SVEP1: variants seen among roughly 807,000 people sequenced by gnomAD.
The protein encoded by SVEP1 is sushi, von Willebrand factor type A, EGF and pentraxin domain containing 1, also known as sushi, von Willebrand factor type A, EGF and pentraxin domain-containing protein 1.
Under a neutral mutation model 367.3 loss-of-function variants are expected in SVEP1, and 164 were observed. The ratio of observed to expected loss-of-function variants is 0.45; its 90% CI spans 0.39 to 0.51. The LOEUF (loss-of-function observed/expected upper bound fraction) is 0.51. SVEP1 is among the 20% of genes least tolerant of loss of function. SVEP1 has a pLI of 0.00. For missense variants in SVEP1, 4,117 were observed against 4,425.3 expected (o/e 0.93, Z 1.98); for synonymous variants, 1,666 against 1,611.6 (o/e 1.03, Z -0.81).
In SVEP1 at chr9:110,457,295, C is replaced by T. The variant is rs2118631058; in HGVS notation, c.3634G>A (p.Gly1212Arg). The T allele has an allele frequency of 1.2e-6, 2 of 1,612,756 alleles. No individual in the cohort carries two copies. Among genetic ancestry groups the T allele is most frequent in the South Asian group, 2.2e-5 (2 of 90,766 alleles). Residue 1212 changes from glycine (G) to arginine (R), a missense_variant, in exon 21 of 48, where the codon GGG becomes AGG. Gly to Arg is a moderately radical substitution (Grantham distance 125). Coordinates refer to ENST00000374469, the MANE Select transcript of SVEP1 (RefSeq NM_153366.4). Reference protein sequence around the residue: ...CHNSGTCQQLGRGYVCLCPLG... With the variant: ...CHNSGTCQQLRRGYVCLCPLG... ...GGACAGAGACAAACATAACCACGCC[C>T]AAGTTGCTGGCAGGTTCCACTATTG... is the stretch of plus-strand genomic sequence containing the variant.
In SVEP1 at chr9:110,579,008, CT is replaced by C; in HGVS notation, c.531+4del. 2 of 1,544,452 alleles carry C rather than the reference CT, an allele frequency of 1.3e-6. No individual in the cohort carries two copies. The highest frequency in any genetic ancestry group is 1.7e-6 in the Non-Finnish European group (2 of 1,146,246). On this transcript the variant is annotated splice_donor_region_variant and intron_variant, in intron 1 of 47. Transcript: ENST00000374469. The surrounding 1 kb of genome is among the most constrained non-coding windows in gnomAD (Gnocchi z 5.3). ...GGCCCGGGTCGGGAGGGGCGGGCGC[CT>C]TACCGCGGCTTGCTGGAAGGCGCCC...
At chr9:110,529,404 A>C in intron 3 of SVEP1, among the ~76,000 whole-genome samples, 1 of 152,046 alleles carries the variant, frequency 6.6e-6, no homozygotes, top group Non-Finnish European at 1.5e-5. Flanking sequence ...GAAAAATGAC[A>C]TTGTTATTTT....
chr9:110,449,996 T>A, intron 24 of SVEP1, 63 bp downstream of exon 24: 1 of 1,566,970 alleles, frequency 6.4e-7, no homozygotes, highest in Non-Finnish European at 8.7e-7. Flanking sequence ...CCATAAAGGC[T>A]GCAGAATCAC....
rs541966497 is a variant in SVEP1 at position 110,492,119 on chromosome 9, G to A, written c.1801-2340C>T. 7.9e-5 allele frequency among the ~76,000 whole-genome samples: 12 copies of A among 152,190 alleles called. No homozygotes were observed. In the South Asian group the frequency reaches 2.5e-3, roughly 31 times the overall value. On this transcript the variant is annotated intron_variant, in intron 8 of 47. Transcript: ENST00000374469. ...CAAAGGCTTAATAAATATACCACCT[G>A]TATATACTTTTTCTGAAAGAATGGA...
At chr9:110,574,990 C>G (rs949219006) in intron 1 of SVEP1, among the ~76,000 whole-genome samples, 7 of 152,038 alleles carry the variant, frequency 4.6e-5, no homozygotes, top group African/African-American at 1.4e-4. Context: ...CGTGATCCAC[C>G]CGCCTTGGCC....
Position 110,417,198 on chromosome 9 carries a change from G to T in SVEP1, c.5976-5463C>A, listed in dbSNP as rs1034703040. On this transcript the variant is annotated intron_variant, in intron 36 of 47. Coordinates refer to ENST00000374469, the MANE Select transcript of SVEP1 (RefSeq NM_153366.4). Reference sequence around the variant, plus strand: ...ACGGGTGATTTCTGCATTTCCATCTGAGGTACCGGGTTCATCTCACTAGGG... The same window carrying T: ...ACGGGTGATTTCTGCATTTCCATCTTAGGTACCGGGTTCATCTCACTAGGG... Among the ~76,000 whole-genome samples, 127 of 149,770 alleles carry T rather than the reference G, an allele frequency of 8.5e-4. 1 individual carries two copies. The highest frequency in any genetic ancestry group is 3.0e-3 in the African/African-American group (121 of 40,350).
intron 1 of SVEP1, among the ~76,000 whole-genome samples, chr9:110,570,415 A>T (rs1007554643): frequency 2.0e-5 from 3 of 151,744 alleles, no homozygotes. Flanking sequence ...TGAATTTCAT[A>T]TTATTTAGAA....
chr9:110,427,527 C>T (rs1175765293), intron 36 of SVEP1, 64 bp downstream of exon 36: 1 of 1,546,044 alleles, frequency 6.5e-7, no homozygotes, highest in Non-Finnish European at 8.7e-7. Flanking sequence ...GAGCCCATCT[C>T]TGCAGTCAGG....
At chr9:110,373,797 G>C (rs1277907700) in intron 46 of SVEP1, among the ~76,000 whole-genome samples, 1 of 152,092 alleles carries the variant, frequency 6.6e-6, no homozygotes, top group African/African-American at 2.4e-5. Context: ...GTATAATCTA[G>C]TGGGGGAAGG....
At chr9:110,379,585 T>C in intron 43 of SVEP1, 68 bp from the exon 44 acceptor site, 4 of 1,506,406 alleles carry the variant, frequency 2.7e-6, no homozygotes, top group South Asian at 2.4e-5. Context: ...GTCTCATCTC[T>C]CAGAATGAAT....
At chr9:110,412,589 C>A (rs1033465679) in intron 36 of SVEP1, among the ~76,000 whole-genome samples, 3 of 151,732 alleles carry the variant, frequency 2.0e-5, no homozygotes, top group Non-Finnish European at 2.9e-5. Flanking sequence ...AAAGAAACTA[C>A]CATCAGAGTG....
At chr9:110,561,944 C>G (rs1335855288) in intron 1 of SVEP1, among the ~76,000 whole-genome samples, 3 of 152,030 alleles carry the variant, frequency 2.0e-5, no homozygotes, top group African/African-American at 7.2e-5. Flanking sequence ...CTAGCCTAAT[C>G]ACAGAAGAAC....
chr9:110,392,743 A>G (rs1827684417), intron 40 of SVEP1, among the ~76,000 whole-genome samples: 1 of 152,114 alleles, frequency 6.6e-6, no homozygotes, highest in Admixed American at 6.5e-5. Context: ...TAATTTTTTT[A>G]AAAGTATCAT....
At chr9:110,561,920 CTATT>C (rs1310529527) in intron 1 of SVEP1, among the ~76,000 whole-genome samples, 1 of 152,134 alleles carries the variant, frequency 6.6e-6, no homozygotes, top group Non-Finnish European at 1.5e-5. Context: ...AACATTTAGG[CTATT>C]TATTATAGTC....
At chr9:110,569,433 G>A (rs934964231) in intron 1 of SVEP1, among the ~76,000 whole-genome samples, 3 of 134,350 alleles carry the variant, frequency 2.2e-5, no homozygotes, top group Non-Finnish European at 3.1e-5. Flanking sequence ...TCCAGCCTGG[G>A]CAACAAGAGT....
Position 110,537,281 on chromosome 9 carries a change from C to T in SVEP1, c.964+8834G>A, listed in dbSNP as rs1031816223. ...AAGGAAATAAAATTGATGTTGTATG[C>T]TCTCTTAACCTAACAATGAATAATA... is the stretch of plus-strand genomic sequence containing the variant. On this transcript the variant is annotated intron_variant, in intron 3 of 47. Transcript: ENST00000374469. Among the ~76,000 whole-genome samples, 2 of 151,936 alleles carry T rather than the reference C, an allele frequency of 1.3e-5. 1 individual carries two copies. Among genetic ancestry groups the T allele is most frequent in the South Asian group, 4.1e-4 (2 of 4,834 alleles).
In SVEP1 at chr9:110,579,468, G is replaced by C. The variant is rs1338144412; in HGVS notation, c.76C>G (p.Pro26Ala). ...AGGCGGAAGCTGAAATTGCGCGACG[G>C]GGACATCTGCTGAAAGGTCGCCCAG... ...SGWATFQQMSPSRNFSFRLFP... is the reference protein window; with the variant it reads ...SGWATFQQMSASRNFSFRLFP... The change falls in exon 1 of 48, where the codon CCG (proline) becomes GCG (alanine). Residue 26 changes from proline to alanine, a missense_variant. Physicochemically the swap from Pro to Ala is conservative, Grantham distance 27 (BLOSUM62 -1). Coordinates refer to ENST00000374469, the MANE Select transcript of SVEP1 (RefSeq NM_153366.4). The surrounding 1 kb of genome is among the most constrained non-coding windows in gnomAD (Gnocchi z 5.3). The C allele has an allele frequency of 6.2e-7, 1 of 1,603,530 alleles. No individual in the cohort carries two copies. The highest frequency in any genetic ancestry group is 2.2e-5 in the East Asian group (1 of 44,480).
chr9:110,424,458 G>T lies in SVEP1; in HGVS notation c.5975+3133C>A, dbSNP rs183281247. On this transcript the variant is annotated intron_variant, in intron 36 of 47. Coordinates refer to ENST00000374469, the MANE Select transcript of SVEP1 (RefSeq NM_153366.4). Reference sequence around the variant, plus strand: ...ATAAATTAATAGGATATTTGTTTATGGGGGAATATGTATTTAATAAAGACA... The same window carrying T: ...ATAAATTAATAGGATATTTGTTTATTGGGGAATATGTATTTAATAAAGACA... Among the ~76,000 whole-genome samples the T allele has an allele frequency of 2.0e-4, 30 of 152,256 alleles. No individual in the cohort carries two copies. In the East Asian group the frequency reaches 4.6e-3, roughly 24 times the overall value.
chr9:110,418,761 G>T (rs556888987), intron 36 of SVEP1, among the ~76,000 whole-genome samples: 4 of 84,614 alleles, frequency 4.7e-5, no homozygotes, highest in Middle Eastern at 5.0e-3. Flanking sequence ...GACTAACAGC[G>T]GATCTCTCGG....
Sources: gnomAD v4.1 joint callset for allele counts (sites outside exome capture counted in the v4.1 genomes callset) on GRCh38, gnomAD v4.1.1 for gene constraint, Gnocchi (gnomAD v3.1) non-coding constraint, MANE v1.5 for transcripts, NCBI Gene and HGNC (gene_info 2026-07-23, HGNC 2026-07-21) for gene names.